Variants in ARHGAP35 observed in about 807,000 individuals in gnomAD.
The protein encoded by ARHGAP35 is Rho GTPase activating protein 35.
Under a neutral mutation model 111.1 loss-of-function variants are expected in ARHGAP35, and 15 were observed. That is an observed-to-expected ratio of 0.13 (90% CI 0.09 to 0.21). The LOEUF is 0.21. ARHGAP35 is among the 10% of genes least tolerant of loss of function. ARHGAP35 has a pLI of 1.00. For missense variants in ARHGAP35, 1,262 were observed against 1,873.0 expected (o/e 0.67, Z 6.02); for synonymous variants, 643 against 710.3 (o/e 0.91, Z 1.51).
intron 2 of ARHGAP35, among the ~76,000 whole-genome samples, chr19:46,929,971 A>G (rs1430259350): frequency 6.6e-6 from 1 of 151,754 alleles, no homozygotes; most frequent in Non-Finnish European, 1.5e-5. Flanking sequence ...CTATGTTTCT[A>G]GGCTGGTCTC....
At chr19:46,861,418 C>T (rs1599786006) in intron 1 of ARHGAP35, among the ~76,000 whole-genome samples, 2 of 150,250 alleles carry the variant, frequency 1.3e-5, no homozygotes, top group South Asian at 4.3e-4. Flanking sequence ...GCCCTCCTGC[C>T]CTTTGGACCT....
intron 1 of ARHGAP35, among the ~76,000 whole-genome samples, chr19:46,885,551 GT>G (rs2055989349): frequency 1.3e-5 from 2 of 152,250 alleles, no homozygotes; most frequent in Admixed American, 1.3e-4. Context: ...GGCCCTACTT[GT>G]TTTTATTAAT....
intron 3 of ARHGAP35, among the ~76,000 whole-genome samples, chr19:46,965,486 G>C (rs1199569519): frequency 1.3e-5 from 2 of 151,776 alleles, no homozygotes; most frequent in African/African-American, 4.8e-5. Flanking sequence ...TTGTTTGTTT[G>C]TTTGTTTGTT....
chr19:46,956,585 GC>G (rs2056440576), intron 3 of ARHGAP35, among the ~76,000 whole-genome samples: 1 of 151,522 alleles, frequency 6.6e-6, no homozygotes, highest in Admixed American at 6.6e-5. Context: ...ACACCCAACC[GC>G]ATCCTCAAGA....
In ARHGAP35 at chr19:47,001,591, C is replaced by T. The variant is rs1599877831; in HGVS notation, c.*903C>T. ...TCCCACTCACCCACTTAGGTCTAGT[C>T]GCTAGATCCCCCGTTTTCCCAAGAA... On this transcript the variant is annotated 3_prime_UTR_variant, in exon 7 of 7. Coordinates refer to ENST00000672722, the MANE Select transcript of ARHGAP35 (RefSeq NM_004491.5). This position sits in a 1 kb window ranked among gnomAD's most constrained non-coding sequence, Gnocchi z 5.4. 2.6e-6 allele frequency: 1 copy of T among 381,852 alleles called. No homozygotes were observed. Among genetic ancestry groups the T allele is most frequent in the Non-Finnish European group, 4.9e-6 (1 of 203,928 alleles). 23.7% of individuals were successfully genotyped at this position (381,852 alleles called of 1,614,324 possible). A position where few individuals can be genotyped will look rare whatever the true frequency, so the allele number is the denominator to read the frequency against.
chr19:46,866,149 C>T (rs1025209462), intron 1 of ARHGAP35, among the ~76,000 whole-genome samples: 4 of 152,114 alleles, frequency 2.6e-5, no homozygotes, highest in Admixed American at 6.6e-5. Context: ...CCTGTTTTTC[C>T]CTTTTTTAAA....
chr19:46,878,003 C>T (rs951438933), intron 1 of ARHGAP35, among the ~76,000 whole-genome samples: 2 of 151,620 alleles, frequency 1.3e-5, no homozygotes, highest in East Asian at 3.9e-4. Flanking sequence ...CCACCGCTCC[C>T]GGCCTAAATT....
intron 1 of ARHGAP35, among the ~76,000 whole-genome samples, chr19:46,863,499 C>G (rs952897203): frequency 6.6e-6 from 1 of 152,042 alleles, no homozygotes; most frequent in African/African-American, 2.4e-5. Flanking sequence ...GGCTTTGCAG[C>G]TTTGTGTCCT....
At chr19:46,969,185 G>A (rs947782996) in intron 3 of ARHGAP35, among the ~76,000 whole-genome samples, 1 of 152,172 alleles carries the variant, frequency 6.6e-6, no homozygotes. Flanking sequence ...GGGTGTTGAT[G>A]ACAGTGCTCT....
chr19:46,880,159 C>T (rs962396302), intron 1 of ARHGAP35, among the ~76,000 whole-genome samples: 25 of 151,902 alleles, frequency 1.6e-4, no homozygotes, highest in African/African-American at 6.0e-4. Flanking sequence ...CCTGGCTGGG[C>T]GTGTGGCTCA....
chr19:46,928,227 C>T (rs2056249750), intron 2 of ARHGAP35, among the ~76,000 whole-genome samples: 2 of 152,180 alleles, frequency 1.3e-5, no homozygotes, highest in Admixed American at 1.3e-4. Context: ...CATACCTGTT[C>T]TTAAAAAAAA....
intron 3 of ARHGAP35, among the ~76,000 whole-genome samples, chr19:46,983,606 C>CTTTTTTTTT (rs11383795): frequency 8.7e-5 from 6 of 69,266 alleles, no homozygotes; most frequent in African/African-American, 1.2e-4. Context: ...AATGTCCATT[C>CTTTTTTTTT]TTTTTTTTTT....
intron 3 of ARHGAP35, among the ~76,000 whole-genome samples, chr19:46,937,936 C>T (rs923778062): frequency 6.6e-6 from 1 of 152,130 alleles, no homozygotes; most frequent in African/African-American, 2.4e-5. Context: ...CTGGTTATGC[C>T]GCTCCTCTGA....
At chr19:46,947,249 CAGAT>C (rs1479641507) in intron 3 of ARHGAP35, 2 of 152,128 alleles carry the variant, frequency 1.3e-5, no homozygotes, top group Admixed American at 1.3e-4. Flanking sequence ...GTTTTGAACT[CAGAT>C]AGCCCCCATG....
chr19:46,877,938 C>T (rs994098234), intron 1 of ARHGAP35, among the ~76,000 whole-genome samples: 1 of 152,074 alleles, frequency 6.6e-6, no homozygotes, highest in Non-Finnish European at 1.5e-5. Flanking sequence ...GAACTCCTGA[C>T]CTCAGGTGAT....
Position 46,921,164 on chromosome 19 carries a change from A to G in ARHGAP35, c.2489A>G (p.Lys830Arg). ...VLLELPIGLH[K>R]KRIELSVLSY... ...CTTGAACTACCAATCGGACTGCACA[A>G]GAAGCGGATTGAACTGTCTGTTCTT... Residue 830 changes from lysine (K) to arginine (R), a missense_variant, in exon 2 of 7, where the codon AAG (lysine) becomes AGG (arginine). Lys to Arg is a conservative substitution (Grantham distance 26). Around this residue, in one of 8 missense-constraint regions of ARHGAP35, gnomAD observed 579 missense variants for 716.9 expected, o/e 0.81. Transcript: ENST00000672722. This position sits in a 1 kb window ranked among gnomAD's most constrained non-coding sequence, Gnocchi z 4.3. 6.2e-7 allele frequency: 1 copy of G among 1,614,074 alleles called. No individual in the cohort carries two copies. Among genetic ancestry groups the G allele is most frequent in the South Asian group, 1.1e-5 (1 of 91,086 alleles).
At chr19:46,910,281 T>G (rs540260301) in intron 1 of ARHGAP35, among the ~76,000 whole-genome samples, 39 of 151,896 alleles carry the variant, frequency 2.6e-4, no homozygotes, top group African/African-American at 8.2e-4. Flanking sequence ...CCTGGTTAAT[T>G]TTTTATTTTT....
At chr19:46,892,163 C>T (rs2056027994) in intron 1 of ARHGAP35, among the ~76,000 whole-genome samples, 1 of 146,790 alleles carries the variant, frequency 6.8e-6, no homozygotes, top group Non-Finnish European at 1.5e-5. Flanking sequence ...ATTAGCCAGG[C>T]CTGGTGGCAT....
chr19:46,881,657 T>G (rs1479834715), intron 1 of ARHGAP35, among the ~76,000 whole-genome samples: 1 of 152,216 alleles, frequency 6.6e-6, no homozygotes, highest in Non-Finnish European at 1.5e-5. Context: ...TTAGCATGAT[T>G]CCTAAGGCCT....
Sources: allele counts gnomAD v4.1 joint callset (sites outside exome capture counted in the v4.1 genomes callset), GRCh38; gene constraint gnomAD v4.1.1; regional missense constraint gnomAD v4.1.1; non-coding constraint Gnocchi (gnomAD v3.1); transcripts MANE v1.5; gene names NCBI Gene and HGNC (gene_info 2026-07-23, HGNC 2026-07-21).